PTPN1: variants seen among roughly 807,000 people sequenced by gnomAD.
PTPN1 encodes protein tyrosine phosphatase non-receptor type 1.
A neutral mutation model predicts 59.9 loss-of-function variants in PTPN1; 12 were observed. The observed-to-expected ratio is 0.20, with a 90% CI of 0.13 to 0.32. The LOEUF (loss-of-function observed/expected upper bound fraction) is 0.32, where lower values mean the gene tolerates loss of function less well. Ranked by LOEUF, PTPN1 falls within the 10% of genes least tolerant of loss-of-function variation. The probability of loss-of-function intolerance (pLI) is 1.00; values close to 1 mark genes in which losing one functional copy is unlikely to be tolerated. For missense variants in PTPN1, 356 were observed against 549.2 expected, an observed-to-expected ratio of 0.65 and a Z score of 3.52; for synonymous variants, 178 against 203.6, an observed-to-expected ratio of 0.87 and a Z score of 1.07.
chr20:50,519,024 C>T (rs1460503023), intron 1 of PTPN1, among the ~76,000 whole-genome samples: 1 of 152,154 alleles, frequency 6.6e-6, no homozygotes, highest in African/African-American at 2.4e-5. Context: ...TCATGTCTTA[C>T]TGACAGTTTT....
chr20:50,515,898 A>G (rs1240116618), intron 1 of PTPN1, among the ~76,000 whole-genome samples: 1 of 152,228 alleles, frequency 6.6e-6, no homozygotes, highest in Non-Finnish European at 1.5e-5. Flanking sequence ...TCATGGCCTA[A>G]TGAGGTAATT....
chr20:50,571,476 T>G (rs2082808353), intron 4 of PTPN1: 1 of 152,224 alleles, frequency 6.6e-6, no homozygotes, highest in South Asian at 2.1e-4. Flanking sequence ...TCATGAGAAG[T>G]TACAGTATCT....
At chr20:50,524,264 C>A (rs1201892992) in intron 1 of PTPN1, among the ~76,000 whole-genome samples, 1 of 152,128 alleles carries the variant, frequency 6.6e-6, no homozygotes, top group Non-Finnish European at 1.5e-5. Context: ...AGCCCTAGAA[C>A]ACCAACAACA....
chr20:50,556,381 G>A (rs1444704202), intron 1 of PTPN1, among the ~76,000 whole-genome samples: 1 of 151,876 alleles, frequency 6.6e-6, no homozygotes, highest in Non-Finnish European at 1.5e-5. Context: ...GTAGAGACGA[G>A]GCATCATTTT....
intron 4 of PTPN1, chr20:50,573,803 A>C (rs2082822697): frequency 6.6e-6 from 1 of 152,206 alleles, no homozygotes; most frequent in South Asian, 2.1e-4. Context: ...ACTAAATTCG[A>C]GTCAGTTTTT....
At chr20:50,543,896 A>G (rs892918646) in intron 1 of PTPN1, among the ~76,000 whole-genome samples, 1 of 151,968 alleles carries the variant, frequency 6.6e-6, no homozygotes, top group Non-Finnish European at 1.5e-5. Context: ...CCCAGGCTGG[A>G]GTGCAATGGT....
At chr20:50,535,399 C>T (rs1394252610) in intron 1 of PTPN1, among the ~76,000 whole-genome samples, 1 of 152,190 alleles carries the variant, frequency 6.6e-6, no homozygotes. Flanking sequence ...CAGCCCCTGC[C>T]TCAGCGGAGC....
At chr20:50,536,888 A>G (rs2082626143) in intron 1 of PTPN1, among the ~76,000 whole-genome samples, 1 of 152,188 alleles carries the variant, frequency 6.6e-6, no homozygotes. Context: ...TGTTTACTGT[A>G]GAAAACAAAA....
At chr20:50,578,693 C>T in intron 6 of PTPN1, 64 bp downstream of exon 6, 3 of 1,409,204 alleles carry the variant, frequency 2.1e-6, no homozygotes, top group Non-Finnish European at 2.9e-6. Flanking sequence ...ATGTTTTTTC[C>T]TAAGTAGAAA....
At chr20:50,545,825 A>G (rs568528319) in intron 1 of PTPN1, among the ~76,000 whole-genome samples, 21 of 152,170 alleles carry the variant, frequency 1.4e-4, no homozygotes, top group Middle Eastern at 3.4e-3. Flanking sequence ...AGACCAGCCC[A>G]GGCAGCATAG....
intron 1 of PTPN1, among the ~76,000 whole-genome samples, chr20:50,540,286 A>C (rs919721379): frequency 1.3e-5 from 2 of 151,996 alleles, no homozygotes. Flanking sequence ...TGAACTCCTG[A>C]CCTCGTGATC....
chr20:50,532,751 T>C (rs1437345278), intron 1 of PTPN1, among the ~76,000 whole-genome samples: 1 of 152,112 alleles, frequency 6.6e-6, no homozygotes, highest in Non-Finnish European at 1.5e-5. Flanking sequence ...TGTGGGTGGG[T>C]GTGTGTTCAT....
chr20:50,581,550 G>A (rs2082868982), intron 9 of PTPN1, 90 bp downstream of exon 9: 1 of 1,371,042 alleles, frequency 7.3e-7, no homozygotes, highest in Non-Finnish European at 9.8e-7. Flanking sequence ...GTTCTGTGGT[G>A]CATCTGAGCC....
At chr20:50,533,252 T>A (rs2082609240) in intron 1 of PTPN1, among the ~76,000 whole-genome samples, 1 of 152,190 alleles carries the variant, frequency 6.6e-6, no homozygotes, top group South Asian at 2.1e-4. Flanking sequence ...TTCCATCTAA[T>A]TCTCCATTGT....
rs533480687 is a variant in PTPN1, at chr20:50,542,713, C to T, written c.64-18650C>T. On this transcript the variant is annotated intron_variant, in intron 1 of 9. Transcript: ENST00000371621. ...GTGGCTTTGAGATATTGAGCAAGCC[C>T]TTTTAAGAAAGGATTTGGCATCCCT... Among the ~76,000 whole-genome samples, 10 of 152,228 alleles carry T rather than the reference C, an allele frequency of 6.6e-5. No individual in the cohort carries two copies. In the South Asian group the frequency reaches 2.1e-3, roughly 32 times the overall value.
At position 50,521,062 on chromosome 20, in the gene PTPN1, A is replaced by G. The variant is rs144245379; in HGVS notation, c.63+10472A>G. Among the ~76,000 whole-genome samples the G allele has an allele frequency of 5.2e-3, 797 of 152,336 alleles. 7 individuals are homozygous for G. The highest frequency in any genetic ancestry group is 0.018 in the African/African-American group (760 of 41,586). ...TCCCCCTAATCTAAAAGTGGGACAG[A>G]ACTTTAAAATTTCATATTAACTCAA... On this transcript the variant is annotated intron_variant, in intron 1 of 9. Coordinates refer to ENST00000371621, the MANE Select transcript of PTPN1 (RefSeq NM_002827.4).
chr20:50,575,402 A>T (rs78676352), intron 5 of PTPN1, among the ~76,000 whole-genome samples: 7,670 of 152,246 alleles, frequency 0.05, 278 homozygotes, highest in Non-Finnish European at 0.076. Context: ...CTCTTCTGTC[A>T]AACTCAGGTT....
At chr20:50,561,204 G>A (rs2082750823) in intron 1 of PTPN1, among the ~76,000 whole-genome samples, 159 bp from the exon 2 acceptor site, 1 of 152,178 alleles carries the variant, frequency 6.6e-6, no homozygotes, top group South Asian at 2.1e-4. Flanking sequence ...CCCAAGGCCT[G>A]TGCTCATTCC....
At chr20:50,579,615 A>G in intron 7 of PTPN1, 88 bp from the exon 8 acceptor site, 1 of 1,211,972 alleles carries the variant, frequency 8.3e-7, no homozygotes, top group Non-Finnish European at 1.2e-6. Flanking sequence ...CCCCTCGCCA[A>G]GCCGTCACCT....
Sources: allele counts gnomAD v4.1 joint callset (sites outside exome capture counted in the v4.1 genomes callset), GRCh38; gene constraint gnomAD v4.1.1; transcripts MANE v1.5; gene names NCBI Gene and HGNC (gene_info 2026-07-23, HGNC 2026-07-21).